ZSCAN25: variants seen among roughly 807,000 people sequenced by gnomAD.
ZSCAN25 encodes zinc finger and SCAN domain-containing protein 25.
Under a neutral mutation model 38.7 loss-of-function variants are expected in ZSCAN25, and 27 were observed. The ratio of observed to expected loss-of-function variants is 0.70; its 90% CI spans 0.51 to 0.96. The LOEUF is 0.96. ZSCAN25 is among the 40% of genes least tolerant of loss of function. The pLI is 0.00. For missense variants in ZSCAN25, 637 were observed against 705.9 expected (o/e 0.90, Z 1.11); for synonymous variants, 273 against 277.7 (o/e 0.98, Z 0.17).
chr7:99,633,244 G>A (rs1355511531), downstream of ZSCAN25, among the ~76,000 whole-genome samples: 2 of 152,310 alleles, frequency 1.3e-5, no homozygotes, highest in East Asian at 3.9e-4. Flanking sequence ...GTGTTTAGTG[G>A]TGTAATCAGA....
chr7:99,665,532 C>G, the ZSCAN25 span, among the ~76,000 whole-genome samples: 1 of 152,180 alleles, frequency 6.6e-6, no homozygotes, highest in Non-Finnish European at 1.5e-5. Flanking sequence ...AGACACCAAG[C>G]TGAGTTAGAC....
the ZSCAN25 span, among the ~76,000 whole-genome samples, chr7:99,692,656 C>A: frequency 6.6e-6 from 1 of 152,056 alleles, no homozygotes; most frequent in Non-Finnish European, 1.5e-5. Flanking sequence ...GATCTTTGAT[C>A]ACTGATATCC....
At chr7:99,668,493 T>C in the ZSCAN25 span, among the ~76,000 whole-genome samples, 13 of 152,366 alleles carry the variant, frequency 8.5e-5, no homozygotes, top group East Asian at 2.5e-3. Flanking sequence ...CAATTTTTTT[T>C]GTAATTTTGT....
chr7:99,685,098 C>G, the ZSCAN25 span: 2 of 1,415,566 alleles, frequency 1.4e-6, no homozygotes, highest in Non-Finnish European at 2.0e-6. Flanking sequence ...TGTTCTAGGT[C>G]ACAGCTTTTT....
chr7:99,676,071 G>A, the ZSCAN25 span: 2 of 1,549,320 alleles, frequency 1.3e-6, no homozygotes. Context: ...CTAAGCTGAT[G>A]TTTGCAACCA....
the ZSCAN25 span, chr7:99,705,711 C>T: frequency 8.8e-6 from 11 of 1,256,820 alleles, no homozygotes; most frequent in African/African-American, 3.0e-5. Context: ...ATAAAAACTA[C>T]TTTCAGCACT....
the ZSCAN25 span, chr7:99,695,942 T>A: frequency 3.3e-6 from 3 of 912,856 alleles, no homozygotes; most frequent in Non-Finnish European, 5.1e-6. Context: ...GAGAAGGAGG[T>A]AACATTAAGG....
the ZSCAN25 span, chr7:99,662,918 TGACTCGTGAAGTCA>T: frequency 6.2e-7 from 1 of 1,612,234 alleles, no homozygotes; most frequent in South Asian, 1.1e-5. The surrounding 1 kb of genome is among the most constrained non-coding windows in gnomAD (Gnocchi z 4.3). Flanking sequence ...TGGCAGAAAG[TGACTCGTGAAGTCA>T]GAAGTAAATC....
In ZSCAN25 at chr7:99,630,384, G is replaced by A. The variant is rs747569036; in HGVS notation, c.*364G>A. The A allele has an allele frequency of 3.8e-5, 40 of 1,056,398 alleles. No homozygotes were observed. The highest frequency in any genetic ancestry group is 4.5e-5 in the Non-Finnish European group (39 of 874,862). The allele number at this position is 1,056,398 out of a possible 1,614,324, so 65.4% of individuals were successfully genotyped here. ...GGGACCTCATCTTCCTGAGGGCTCTGTCTTGCCTGCAGGGTCATAGCTCAG... is the reference window on the plus strand; with the variant it reads ...GGGACCTCATCTTCCTGAGGGCTCTATCTTGCCTGCAGGGTCATAGCTCAG... On this transcript the variant is annotated 3_prime_UTR_variant, in exon 8 of 8. Transcript: ENST00000394152.
the ZSCAN25 span, among the ~76,000 whole-genome samples, chr7:99,706,032 G>A: frequency 2.0e-5 from 3 of 152,128 alleles, no homozygotes; most frequent in Admixed American, 6.6e-5. Flanking sequence ...TTAATTATGT[G>A]GACAGTCTTC....
chr7:99,708,253 G>C, the ZSCAN25 span, among the ~76,000 whole-genome samples: 1 of 152,132 alleles, frequency 6.6e-6, no homozygotes, highest in African/African-American at 2.4e-5. Context: ...ATTATAGTCA[G>C]GATGGTGATG....
At chr7:99,687,798 G>A in the ZSCAN25 span, among the ~76,000 whole-genome samples, 2 of 152,216 alleles carry the variant, frequency 1.3e-5, no homozygotes, top group Admixed American at 6.5e-5. Flanking sequence ...ACAAAGGGAA[G>A]CCCATCAGAC....
downstream of ZSCAN25, among the ~76,000 whole-genome samples, chr7:99,634,888 G>A (rs577117097): frequency 6.6e-6 from 1 of 152,268 alleles, no homozygotes; most frequent in Non-Finnish European, 1.5e-5. Flanking sequence ...GTTGCAGTGA[G>A]CCGAGATCAT....
intron 7 of ZSCAN25, among the ~76,000 whole-genome samples, chr7:99,624,747 G>C (rs1231839033): frequency 6.6e-6 from 1 of 152,130 alleles, no homozygotes; most frequent in Non-Finnish European, 1.5e-5. Context: ...CTCAGAGCCT[G>C]GGGGGATGCG....
the ZSCAN25 span, among the ~76,000 whole-genome samples, chr7:99,653,655 G>A: frequency 3.3e-5 from 5 of 152,114 alleles, no homozygotes; most frequent in African/African-American, 1.2e-4. The surrounding 1 kb of genome is among the most constrained non-coding windows in gnomAD (Gnocchi z 4.2). Context: ...TTGCTTCAGG[G>A]CTGGACTGTA....
chr7:99,619,477 A>G, intron 3 of ZSCAN25, 84 bp from the exon 4 acceptor site: 1 of 1,118,972 alleles, frequency 8.9e-7, no homozygotes, highest in Non-Finnish European at 1.3e-6. Context: ...AAAGGTAATT[A>G]CTGTGTTCTC....
chr7:99,734,037 T>C, the ZSCAN25 span, among the ~76,000 whole-genome samples: 1 of 152,200 alleles, frequency 6.6e-6, no homozygotes. Flanking sequence ...CCCTCTTTTA[T>C]CACTCAGAAG....
rs115689041 is a variant in ZSCAN25 at position 99,625,804 on chromosome 7, C to T, written c.805+1624C>T. 4.7e-3 allele frequency among the ~76,000 whole-genome samples: 716 copies of T among 152,326 alleles called. 2 individuals are homozygous for T. The highest frequency in any genetic ancestry group is 0.016 in the African/African-American group (683 of 41,552). On this transcript the variant is annotated intron_variant, in intron 7 of 7. Coordinates refer to ENST00000394152, the MANE Select transcript of ZSCAN25 (RefSeq NM_145115.3). ...GAGACTGGTTCTGTCCTTGTCCCCT[C>T]ACCAGCTCAGTGTCTCAGAACTCAG...
At chr7:99,716,576 C>T in the ZSCAN25 span, among the ~76,000 whole-genome samples, 1 of 152,148 alleles carries the variant, frequency 6.6e-6, no homozygotes, top group Non-Finnish European at 1.5e-5. Context: ...CCACATATCC[C>T]CTGTCTGCCC....
Sources: gnomAD v4.1 joint callset for allele counts (sites outside exome capture counted in the v4.1 genomes callset) on GRCh38, gnomAD v4.1.1 for gene constraint, Gnocchi (gnomAD v3.1) non-coding constraint, MANE v1.5 for transcripts, NCBI Gene and HGNC (gene_info 2026-07-23, HGNC 2026-07-21) for gene names.